Variants in ATXN1 observed in about 807,000 individuals in gnomAD.
The protein encoded by ATXN1 is ataxin-1.
Under a neutral mutation model 56.4 loss-of-function variants are expected in ATXN1, and 8 were observed. The observed-to-expected ratio is 0.14, with a 90% confidence interval of 0.08 to 0.26. The LOEUF is 0.26. ATXN1 is among the 10% of genes least tolerant of loss of function. The pLI is 1.00. For synonymous variants in ATXN1, 514 were observed against 494.6 expected, an observed-to-expected ratio of 1.04 and a Z score of -0.52; for missense variants, 987 against 1,106.5, an observed-to-expected ratio of 0.89 and a Z score of 1.53.
intron 4 of ATXN1, among the ~76,000 whole-genome samples, chr6:16,562,507 AAAAAG>A (rs1352727575): frequency 1.3e-5 from 2 of 151,064 alleles, no homozygotes; most frequent in South Asian, 2.1e-4. Context: ...AAAGGAAAGG[AAAAAG>A]AAAAGAAAAG....
intron 5 of ATXN1, among the ~76,000 whole-genome samples, chr6:16,490,899 C>T (rs1182270650): frequency 6.6e-6 from 1 of 152,130 alleles, no homozygotes; most frequent in Non-Finnish European, 1.5e-5. Flanking sequence ...AGGAGCAACA[C>T]ACTCTTTCCT....
intron 6 of ATXN1, among the ~76,000 whole-genome samples, chr6:16,484,309 C>T (rs1760497415): frequency 6.6e-6 from 1 of 152,066 alleles, no homozygotes; most frequent in African/African-American, 2.4e-5. Context: ...TGGTGTGCAC[C>T]TGTGGTCCCA....
intron 6 of ATXN1, among the ~76,000 whole-genome samples, chr6:16,405,716 C>T (rs187316461): frequency 7.2e-5 from 11 of 152,316 alleles, no homozygotes; most frequent in Admixed American, 7.2e-4. Context: ...CTGCCTTTGA[C>T]TCTTATCATA....
At chr6:16,616,891 A>G (rs528452174) in intron 3 of ATXN1, among the ~76,000 whole-genome samples, 15 of 151,582 alleles carry the variant, frequency 9.9e-5, no homozygotes, top group Admixed American at 3.3e-4. Flanking sequence ...CAGTACAAGA[A>G]GATATTTGGA....
In ATXN1 at chr6:16,303,652, T is replaced by C. The variant is rs1213093586; in HGVS notation, c.*2677A>G. ...TGAAATAGAACCACAAAAATTATGA[T>C]GATGTTCCTATTGCTCCAAACCATG... On this transcript the variant is annotated 3_prime_UTR_variant, in exon 8 of 8. Coordinates refer to ENST00000436367, the MANE Select transcript of ATXN1 (RefSeq NM_001128164.2). This position sits in a 1 kb window ranked among gnomAD's most constrained non-coding sequence, Gnocchi z 4.3. 1 of 152,680 alleles carries C rather than the reference T, an allele frequency of 6.5e-6. No individual in the cohort carries two copies. Among genetic ancestry groups the C allele is most frequent in the Non-Finnish European group, 1.5e-5 (1 of 68,044 alleles). 9.5% of individuals were successfully genotyped at this position (152,680 alleles called of 1,614,324 possible).
chr6:16,357,215 T>C (rs1045998747), intron 6 of ATXN1, among the ~76,000 whole-genome samples: 1 of 150,530 alleles, frequency 6.6e-6, no homozygotes, highest in Non-Finnish European at 1.5e-5. Context: ...GAGACATTTT[T>C]ATTTTTATTT....
intron 6 of ATXN1, among the ~76,000 whole-genome samples, chr6:16,365,316 G>A (rs924662302): frequency 6.6e-6 from 1 of 152,048 alleles, no homozygotes. Flanking sequence ...AGCTGGGACT[G>A]CAGGCACGCA....
intron 4 of ATXN1, among the ~76,000 whole-genome samples, chr6:16,554,949 G>A (rs955255627): frequency 2.6e-5 from 4 of 152,054 alleles, no homozygotes; most frequent in African/African-American, 9.7e-5. Context: ...CAGGATACAC[G>A]AGTCCCCACT....
intron 6 of ATXN1, among the ~76,000 whole-genome samples, chr6:16,483,015 T>C (rs1760470824): frequency 6.6e-6 from 1 of 152,112 alleles, no homozygotes; most frequent in South Asian, 2.1e-4. Flanking sequence ...ATAAAATGAG[T>C]CCCCATGGTA....
intron 6 of ATXN1, among the ~76,000 whole-genome samples, chr6:16,425,735 G>A (rs1759139335): frequency 6.6e-6 from 1 of 152,094 alleles, no homozygotes. Context: ...CTGGGAGAAA[G>A]GGGATGGGAC....
chr6:16,408,582 G>T (rs573733730), intron 6 of ATXN1, among the ~76,000 whole-genome samples: 1 of 151,700 alleles, frequency 6.6e-6, no homozygotes, highest in Non-Finnish European at 1.5e-5. Flanking sequence ...TGTGTATCAC[G>T]TATTTTGTCA....
At chr6:16,555,368 T>C (rs1761992189) in intron 4 of ATXN1, among the ~76,000 whole-genome samples, 1 of 152,156 alleles carries the variant, frequency 6.6e-6, no homozygotes, top group Non-Finnish European at 1.5e-5. Flanking sequence ...GATGACAAAC[T>C]AGGCTCAGAA....
chr6:16,421,664 C>T (rs992499645), intron 6 of ATXN1, among the ~76,000 whole-genome samples: 7 of 146,876 alleles, frequency 4.8e-5, no homozygotes, highest in Admixed American at 2.8e-4. Context: ...GTGGGGGGGG[C>T]GTGAGTGTGC....
At chr6:16,312,468 A>G (rs1304075786) in intron 7 of ATXN1, among the ~76,000 whole-genome samples, 1 of 152,082 alleles carries the variant, frequency 6.6e-6, no homozygotes, top group East Asian at 1.9e-4. Flanking sequence ...CACCGAGATA[A>G]TATACACAAA....
intron 5 of ATXN1, among the ~76,000 whole-genome samples, chr6:16,517,641 A>G (rs1761210137): frequency 6.6e-6 from 1 of 152,200 alleles, no homozygotes; most frequent in Non-Finnish European, 1.5e-5. Context: ...ATGTAAACAA[A>G]TAAGTGAAGT....
chr6:16,363,916 T>G (rs78415485), intron 6 of ATXN1, among the ~76,000 whole-genome samples: 1,623 of 152,328 alleles, frequency 0.011, 24 homozygotes, highest in African/African-American at 0.037. Flanking sequence ...GTTAAGTGAC[T>G]CTAAAATAAA....
intron 2 of ATXN1, among the ~76,000 whole-genome samples, chr6:16,700,309 T>C (rs1759254766): frequency 6.6e-6 from 1 of 152,164 alleles, no homozygotes; most frequent in Non-Finnish European, 1.5e-5. Flanking sequence ...TCTCTGCATC[T>C]GGGGTGCAGA....
chr6:16,354,485 C>T (rs1228383781), intron 6 of ATXN1, among the ~76,000 whole-genome samples: 1 of 152,146 alleles, frequency 6.6e-6, no homozygotes, highest in African/African-American at 2.4e-5. Context: ...TCTCAATCTC[C>T]TGACCTCCTG....
At chr6:16,426,607 A>G (rs1056219863) in intron 6 of ATXN1, among the ~76,000 whole-genome samples, 1 of 149,496 alleles carries the variant, frequency 6.7e-6, no homozygotes, top group African/African-American at 2.5e-5. Flanking sequence ...GTGTGTCTGT[A>G]TGTGTGTGTG....
Sources: gnomAD v4.1 joint callset for allele counts (sites outside exome capture counted in the v4.1 genomes callset) on GRCh38, gnomAD v4.1.1 for gene constraint, Gnocchi (gnomAD v3.1) non-coding constraint, MANE v1.5 for transcripts, NCBI Gene and HGNC (gene_info 2026-07-23, HGNC 2026-07-21) for gene names.